GRK4: variants seen among roughly 807,000 people sequenced by gnomAD.
GRK4 encodes the protein G protein-coupled receptor kinase 4, also known as G protein-coupled receptor kinase 2-like.
In GRK4, 73 loss-of-function variants were observed where a neutral mutation model predicts 77.9. The ratio of observed to expected loss-of-function variants is 0.94; its 90% CI spans 0.78 to 1.14. GRK4 has a LOEUF of 1.14. Among genes scored for constraint, GRK4 ranks in the 50% most tolerant of loss-of-function variants. GRK4 has a pLI of 0.00. For synonymous variants in GRK4, 257 were observed against 254.4 expected (o/e 1.01, Z -0.10); for missense variants, 729 against 700.2 (o/e 1.04, Z -0.46).
intron 12 of GRK4, among the ~76,000 whole-genome samples, chr4:3,033,107 A>G (rs1280650443): frequency 6.6e-6 from 1 of 152,048 alleles, no homozygotes; most frequent in Admixed American, 6.5e-5. Context: ...CCTTGGCTGG[A>G]GCTGGTGGCT....
At chr4:2,970,530 C>G (rs1475063555) in intron 1 of GRK4, among the ~76,000 whole-genome samples, 4 of 151,840 alleles carry the variant, frequency 2.6e-5, no homozygotes, top group East Asian at 2.0e-4. Flanking sequence ...TGGTGGCATG[C>G]ACCTGTAGTC....
At position 3,001,366 on chromosome 4, in the gene GRK4, TA is replaced by T. The variant is rs1391514363; in HGVS notation, c.340-2864del. 5.2e-4 allele frequency among the ~76,000 whole-genome samples: 56 copies of T among 107,816 alleles called. 1 individual carries two copies. The highest frequency in any genetic ancestry group is 2.3e-3 in the African/African-American group (52 of 23,054). 70.7% of individuals were successfully genotyped at this position (107,816 alleles called of 152,430 possible). A position where few individuals can be genotyped will look rare whatever the true frequency, so the allele number is the denominator to read the frequency against. On this transcript the variant is annotated intron_variant, in intron 4 of 15. Coordinates refer to ENST00000398052, the MANE Select transcript of GRK4 (RefSeq NM_182982.3). ...ACACACACACACACATATATATATA[TA>T]TATTTTTTTTTTTTTTGAGATGGAG...
chr4:2,965,421 C>T, intron 1 of GRK4: 1 of 703,080 alleles, frequency 1.4e-6, no homozygotes, highest in Admixed American at 2.0e-5. Context: ...TTCTTCACAC[C>T]CCGTCACTCT....
intron 4 of GRK4, among the ~76,000 whole-genome samples, chr4:3,001,093 G>C (rs995743611): frequency 1.2e-5 from 1 of 80,644 alleles, no homozygotes; most frequent in South Asian, 2.8e-4. Flanking sequence ...ATATATATGT[G>C]TGTGTGTGTG....
intron 15 of GRK4, among the ~76,000 whole-genome samples, chr4:3,039,798 TA>T (rs1461737588): frequency 6.6e-6 from 1 of 151,878 alleles, no homozygotes; most frequent in African/African-American, 2.4e-5. Flanking sequence ...AACTAAGGGT[TA>T]GGTGTGAACT....
intron 1 of GRK4, among the ~76,000 whole-genome samples, chr4:2,968,225 A>G (rs1718378485): frequency 6.6e-6 from 1 of 152,138 alleles, no homozygotes; most frequent in South Asian, 2.1e-4. Flanking sequence ...ACACCGTCTT[A>G]TCTCTTGGAG....
intron 6 of GRK4, among the ~76,000 whole-genome samples, chr4:3,009,387 A>T (rs992475202): frequency 6.9e-6 from 1 of 145,944 alleles, no homozygotes; most frequent in Non-Finnish European, 1.5e-5. Flanking sequence ...GTGCCACTGC[A>T]CTCCAGCCCT....
intron 11 of GRK4, 148 bp downstream of exon 11, chr4:3,028,149 CAG>C (rs1578358575): frequency 2.9e-6 from 2 of 687,076 alleles, no homozygotes; most frequent in East Asian, 2.7e-5. Flanking sequence ...TCTAACCTGT[CAG>C]AGTGTTGAGG....
At chr4:3,004,993 A>G (rs936126747) in intron 5 of GRK4, among the ~76,000 whole-genome samples, 17 of 152,104 alleles carry the variant, frequency 1.1e-4, no homozygotes, top group African/African-American at 3.9e-4. Context: ...TAGCACCAGT[A>G]TCCTAGCATC....
chr4:3,020,304 C>A (rs1735714866), intron 9 of GRK4, among the ~76,000 whole-genome samples: 1 of 152,140 alleles, frequency 6.6e-6, no homozygotes, highest in Non-Finnish European at 1.5e-5. Context: ...CCGTGCCCAG[C>A]CTAAATCTCT....
At chr4:3,006,890 T>C (rs577919735) in intron 5 of GRK4, among the ~76,000 whole-genome samples, 13 of 152,192 alleles carry the variant, frequency 8.5e-5, no homozygotes, top group Non-Finnish European at 1.8e-4. Context: ...AAGAATCAGA[T>C]TTCTTCCTGT....
At chr4:3,029,086 T>C in intron 11 of GRK4, 115 bp from the exon 12 acceptor site, 1 of 802,674 alleles carries the variant, frequency 1.2e-6, no homozygotes, top group South Asian at 1.8e-5. Context: ...CATAATGTTT[T>C]TAAGGTTCGT....
At chr4:3,029,846 A>G (rs1490205710) in intron 12 of GRK4, among the ~76,000 whole-genome samples, 1 of 152,202 alleles carries the variant, frequency 6.6e-6, no homozygotes, top group Non-Finnish European at 1.5e-5. Context: ...CTGGGATTTC[A>G]TCAGACAAAA....
chr4:2,975,525 CG>C (rs886776865), intron 1 of GRK4, among the ~76,000 whole-genome samples: 2 of 152,094 alleles, frequency 1.3e-5, no homozygotes, highest in African/African-American at 2.4e-5. Context: ...GGGCCCTGTG[CG>C]GGTGGGGAAC....
chr4:2,977,351 A>G (rs1287452622), intron 1 of GRK4, among the ~76,000 whole-genome samples: 1 of 152,212 alleles, frequency 6.6e-6, no homozygotes, highest in Non-Finnish European at 1.5e-5. Flanking sequence ...ATCACAGACA[A>G]CACTGAACTA....
chr4:3,030,024 G>A (rs1283316845), intron 12 of GRK4, among the ~76,000 whole-genome samples: 1 of 152,180 alleles, frequency 6.6e-6, no homozygotes, highest in Non-Finnish European at 1.5e-5. Flanking sequence ...GCCAAGCCTT[G>A]TTTCATTGAC....
At chr4:2,975,584 C>T (rs1437766846) in intron 1 of GRK4, among the ~76,000 whole-genome samples, 1 of 152,100 alleles carries the variant, frequency 6.6e-6, no homozygotes, top group Admixed American at 6.5e-5. Context: ...TTCACTGTGT[C>T]CCATGGCTCC....
intron 11 of GRK4, 129 bp downstream of exon 11, chr4:3,028,130 T>C (rs1367959100): frequency 1.3e-6 from 1 of 747,934 alleles, no homozygotes; most frequent in Non-Finnish European, 2.3e-6. Context: ...CGCAGTGGTG[T>C]TTTGAATCTC....
At position 2,975,430 on chromosome 4, in the gene GRK4, C is replaced by T. The variant is rs570746907; in HGVS notation, c.53-9083C>T. On this transcript the variant is annotated intron_variant, in intron 1 of 15. Coordinates refer to ENST00000398052, the MANE Select transcript of GRK4 (RefSeq NM_182982.3). Reference sequence around the variant, plus strand: ...TCATACCTAATATACCGTGGGGGAGCAGAGGCAGGGTGACTATTGTAGAAA... The same window carrying T: ...TCATACCTAATATACCGTGGGGGAGTAGAGGCAGGGTGACTATTGTAGAAA... Among the ~76,000 whole-genome samples the T allele has an allele frequency of 5.1e-4, 77 of 152,272 alleles. 1 individual carries two copies. The highest frequency in any genetic ancestry group is 6.8e-3 in the Middle Eastern group (2 of 294).
Sources: allele counts gnomAD v4.1 joint callset (sites outside exome capture counted in the v4.1 genomes callset), GRCh38; gene constraint gnomAD v4.1.1; transcripts MANE v1.5; gene names NCBI Gene and HGNC (gene_info 2026-07-23, HGNC 2026-07-21).